The following STXBP5 variants were observed in gnomAD, a reference collection of about 807,000 sequenced individuals.
The protein encoded by STXBP5 is syntaxin binding protein 5, also known as syntaxin-binding protein 5.
In STXBP5, 50 loss-of-function variants were observed where a neutral mutation model predicts 152.4. That is an observed-to-expected ratio of 0.33 (90% CI 0.26 to 0.42). The LOEUF (loss-of-function observed/expected upper bound fraction) is 0.42. Among genes scored for constraint, STXBP5 ranks in the 10% least tolerant of loss-of-function variants. STXBP5 has a pLI of 1.00. For synonymous variants in STXBP5, 492 were observed against 494.7 expected (o/e 0.99, Z 0.07); for missense variants, 1,167 against 1,388.6 (o/e 0.84, Z 2.54).
At chr6:147,239,537 C>CT (rs35385790) in intron 4 of STXBP5, among the ~76,000 whole-genome samples, 5 of 151,810 alleles carry the variant, frequency 3.3e-5, no homozygotes, top group East Asian at 1.9e-4. Context: ...AGCTCCCCTG[C>CT]TTTTTTTTGC....
At chr6:147,213,475 T>TGCGCGCGCGCGCGCGC (rs1361174338) in intron 2 of STXBP5, among the ~76,000 whole-genome samples, 3 of 132,174 alleles carry the variant, frequency 2.3e-5, no homozygotes, top group Non-Finnish European at 4.9e-5. Context: ...TGTGTGTGTG[T>TGCGCGCGCGCGCGCGC]GTGCGCGCGC....
At chr6:147,343,324 T>C (rs1784174102) in intron 21 of STXBP5, among the ~76,000 whole-genome samples, 4 of 152,158 alleles carry the variant, frequency 2.6e-5, no homozygotes, top group Admixed American at 2.6e-4. Flanking sequence ...TAATGTTCTT[T>C]CAAGTGCTGT....
At position 147,389,554 on chromosome 6, in the gene STXBP5, C is replaced by T. The variant is rs529744575; in HGVS notation, c.*4799C>T. On this transcript the variant is annotated 3_prime_UTR_variant, in exon 28 of 28. Transcript: ENST00000321680. ...GTTTTGCCAGTATTTTACAATGAGG[C>T]TTATCGTTTAAAATTTTATAGTGTA... 2 of 151,822 alleles carry T rather than the reference C, an allele frequency of 1.3e-5. No individual in the cohort carries two copies. The highest frequency in any genetic ancestry group is 4.1e-4 in the South Asian group (2 of 4,824). The allele number at this position is 151,822 out of a possible 1,614,324, so 9.4% of individuals were successfully genotyped here.
intron 21 of STXBP5, among the ~76,000 whole-genome samples, chr6:147,340,102 A>T (rs957085635): frequency 1.3e-5 from 2 of 152,018 alleles, no homozygotes; most frequent in African/African-American, 4.8e-5. Flanking sequence ...GATAAATTTG[A>T]TCTTTGATTT....
chr6:147,318,377 G>T lies in STXBP5; in HGVS notation c.1802+1970G>T, dbSNP rs146828235. Among the ~76,000 whole-genome samples the T allele has an allele frequency of 6.6e-3, 1,000 of 152,222 alleles. 4 individuals carry two copies. The highest frequency in any genetic ancestry group is 0.031 in the Middle Eastern group (9 of 294). The stretch of plus-strand genomic sequence containing the variant: ...TTTTTTTACTGACTGAAAGAGCAAG[G>T]ATAATAGTTAAGGCAGCAACCAGCA... On this transcript the variant is annotated intron_variant, in intron 16 of 27. Transcript: ENST00000321680.
At chr6:147,381,239 A>C (rs1355253255) in intron 26 of STXBP5, among the ~76,000 whole-genome samples, 1 of 152,144 alleles carries the variant, frequency 6.6e-6, no homozygotes, top group Non-Finnish European at 1.5e-5. Context: ...ATAGATATTT[A>C]TCCAAAGAAA....
intron 2 of STXBP5, among the ~76,000 whole-genome samples, chr6:147,216,636 T>G (rs1777182509): frequency 6.6e-6 from 1 of 152,204 alleles, no homozygotes; most frequent in Admixed American, 6.5e-5. Context: ...ATGAGGCTAA[T>G]TTTTACTTGA....
intron 2 of STXBP5, among the ~76,000 whole-genome samples, chr6:147,209,253 C>T (rs531637906): frequency 2.0e-5 from 3 of 152,148 alleles, no homozygotes; most frequent in Non-Finnish European, 4.4e-5. Flanking sequence ...AAATTATTAT[C>T]GAAGAACCTC....
intron 22 of STXBP5, among the ~76,000 whole-genome samples, chr6:147,356,187 G>C (rs1249680827): frequency 6.6e-6 from 1 of 151,982 alleles, no homozygotes; most frequent in Non-Finnish European, 1.5e-5. Context: ...TTTGACCTAT[G>C]AGTTAACATT....
rs200947549 is a variant in STXBP5 at position 147,260,721 on chromosome 6, G to A, written c.538G>A (p.Val180Ile). 1.2e-5 allele frequency: 20 copies of A among 1,613,430 alleles called. No individual in the cohort carries two copies. Among genetic ancestry groups the A allele is most frequent in the East Asian group, 4.5e-5 (2 of 44,838 alleles). ...NVESFTLSGY[V>I]IMWNKAIELS... is the part of the protein sequence containing the mutation. ...GGAGTCCTTCACACTCTCAGGCTAC[G>A]TCATTATGTGGAATAAAGCCATTGA... is the stretch of plus-strand genomic sequence containing the variant. The change falls in exon 5 of 28, where the codon GTC becomes ATC. Residue 180 changes from valine (V) to isoleucine (I), a missense_variant. Physicochemically the swap from Val to Ile is conservative, Grantham distance 29 (BLOSUM62 3). Coordinates refer to ENST00000321680, the MANE Select transcript of STXBP5 (RefSeq NM_001127715.4).
chr6:147,277,278 C>T (rs905858145), intron 7 of STXBP5, among the ~76,000 whole-genome samples: 1 of 151,980 alleles, frequency 6.6e-6, no homozygotes, highest in Non-Finnish European at 1.5e-5. Flanking sequence ...TTCAGTTATA[C>T]GATTTTTGTG....
In STXBP5 at chr6:147,382,978, T is replaced by C. The variant is rs1319761107; in HGVS notation, c.3394T>C (p.Phe1132Leu). 1 of 1,613,258 alleles carries C rather than the reference T, an allele frequency of 6.2e-7. No homozygotes were observed. Among genetic ancestry groups the C allele is most frequent in the Non-Finnish European group, 8.5e-7 (1 of 1,179,598 alleles). Residue 1132 changes from phenylalanine to leucine, a missense_variant, in exon 27 of 28, where the codon TTT becomes CTT. Physicochemically the swap from Phe to Leu is conservative, Grantham distance 22 (BLOSUM62 0). Around this residue, in one of 3 missense-constraint regions of STXBP5, gnomAD observed 833 missense variants for 986.3 expected, o/e 0.84. Transcript: ENST00000321680. ...TAAMLSSAES[F>L]SKHAHEIMLK... ...GGCCATGTTATCAAGTGCAGAGTCA[T>C]TTTCTAAACATGCTCATGAGGTACG... is the stretch of plus-strand genomic sequence containing the variant.
chr6:147,286,580 G>A (rs1780973312), intron 8 of STXBP5, among the ~76,000 whole-genome samples: 1 of 152,200 alleles, frequency 6.6e-6, no homozygotes, highest in South Asian at 2.1e-4. Context: ...TAATTATTAA[G>A]AGGAAAATGT....
At chr6:147,375,845 C>T (rs1399420877) in intron 26 of STXBP5, among the ~76,000 whole-genome samples, 1 of 151,916 alleles carries the variant, frequency 6.6e-6, no homozygotes, top group Non-Finnish European at 1.5e-5. Context: ...TGATACATGA[C>T]TTCTCAACAG....
At chr6:147,277,949 G>A in intron 7 of STXBP5, 132 bp from the exon 8 acceptor site, 1 of 750,058 alleles carries the variant, frequency 1.3e-6, no homozygotes. Context: ...AATTATTATG[G>A]AAATGTTAAG....
intron 24 of STXBP5, 36 bp from the exon 25 acceptor site, chr6:147,363,965 C>A: frequency 6.3e-7 from 1 of 1,598,302 alleles, no homozygotes; most frequent in African/African-American, 1.3e-5. Flanking sequence ...CTAAAACCTA[C>A]CTTATTATTA....
At chr6:147,376,455 A>G (rs1785814954) in intron 26 of STXBP5, among the ~76,000 whole-genome samples, 1 of 152,196 alleles carries the variant, frequency 6.6e-6, no homozygotes, top group Admixed American at 6.5e-5. Context: ...TAGCTTTAAT[A>G]TAAATAATGG....
At chr6:147,276,519 A>G (rs1008029805) in intron 7 of STXBP5, among the ~76,000 whole-genome samples, 3 of 152,126 alleles carry the variant, frequency 2.0e-5, no homozygotes, top group African/African-American at 4.8e-5. Context: ...ATTTATATAC[A>G]TGATATACAT....
chr6:147,218,005 A>G (rs1216050530), intron 2 of STXBP5, among the ~76,000 whole-genome samples: 1 of 152,188 alleles, frequency 6.6e-6, no homozygotes, highest in Non-Finnish European at 1.5e-5. Flanking sequence ...TCTTATCATG[A>G]TGATGTGGCT....
Sources: allele counts gnomAD v4.1 joint callset (sites outside exome capture counted in the v4.1 genomes callset), GRCh38; gene constraint gnomAD v4.1.1; regional missense constraint gnomAD v4.1.1; transcripts MANE v1.5; gene names NCBI Gene and HGNC (gene_info 2026-07-23, HGNC 2026-07-21).